Variants in ITIH5 observed in about 807,000 individuals in gnomAD.
ITIH5 encodes inter-alpha-trypsin inhibitor heavy chain 5, also known as inter-alpha-trypsin inhibitor heavy chain H5.
A neutral mutation model predicts 77.5 loss-of-function variants in ITIH5; 65 were observed. The ratio of observed to expected loss-of-function variants is 0.84; its 90% confidence interval spans 0.69 to 1.03. ITIH5 has a LOEUF of 1.03. ITIH5 is among the 50% of genes least tolerant of loss of function. The probability of loss-of-function intolerance (pLI) is 0.00; values close to 1 mark genes in which losing one functional copy is unlikely to be tolerated. For synonymous variants in ITIH5, 525 were observed against 494.3 expected, an observed-to-expected ratio of 1.06 and a Z score of -0.82; for missense variants, 1,208 against 1,213.1, an observed-to-expected ratio of 1.00 and a Z score of 0.06.
intron 2 of ITIH5, among the ~76,000 whole-genome samples, chr10:7,644,789 TCATATATATCATATATATCA>T (rs774664359): frequency 0.12 from 15,437 of 126,008 alleles, 1,651 homozygotes; most frequent in East Asian, 0.27. Flanking sequence ...CACATATATA[TCATATATATCATATATATCA>T]CATATATATC....
intron 7 of ITIH5, among the ~76,000 whole-genome samples, chr10:7,596,149 C>T (rs1327896648): frequency 1.3e-5 from 2 of 152,296 alleles, no homozygotes; most frequent in East Asian, 3.9e-4. Flanking sequence ...TGGTGTCTGT[C>T]CTGCACACCA....
At chr10:7,636,745 T>C (rs1833803347) in intron 5 of ITIH5, among the ~76,000 whole-genome samples, 2 of 152,160 alleles carry the variant, frequency 1.3e-5, no homozygotes, top group South Asian at 4.1e-4. Context: ...GCATGGGCTG[T>C]ATTTTATTTT....
In ITIH5 at chr10:7,573,147, G is replaced by A. The variant is rs756723555; in HGVS notation, c.2027C>T (p.Thr676Ile). The A allele has an allele frequency of 1.2e-5, 20 of 1,613,410 alleles. No individual in the cohort carries two copies. The Admixed American group carries it at 3.3e-4, about 27-fold the overall frequency. Residue 676 changes from threonine to isoleucine, a missense_variant, in exon 11 of 14, where the codon ACA becomes ATA. By Grantham distance (89) the Thr-to-Ile change is moderately conservative. Coordinates refer to ENST00000397146, the MANE Select transcript of ITIH5 (RefSeq NM_030569.7). ...PYQPRIKISK[T>I]SVDGDPHFVV... ...AACCGCATCCTTTGCTTTACCTGAT[G>A]TTTTAGAGATTTTAATTCTTGGCTG...
At chr10:7,610,755 T>C (rs1833228504) in intron 7 of ITIH5, among the ~76,000 whole-genome samples, 1 of 152,198 alleles carries the variant, frequency 6.6e-6, no homozygotes, top group Non-Finnish European at 1.5e-5. Context: ...AGTCCGCAGA[T>C]TTCAAAACCA....
intron 7 of ITIH5, among the ~76,000 whole-genome samples, chr10:7,613,130 A>C (rs1319169805): frequency 6.6e-6 from 1 of 152,084 alleles, no homozygotes; most frequent in Non-Finnish European, 1.5e-5. Flanking sequence ...CTGTAATCTC[A>C]GCTACTTGGG....
At chr10:7,626,759 C>G (rs551338425) in intron 5 of ITIH5, among the ~76,000 whole-genome samples, 1 of 152,342 alleles carries the variant, frequency 6.6e-6, no homozygotes, top group Admixed American at 6.5e-5. Flanking sequence ...TCTCTGAATT[C>G]AAATGAAACT....
intron 7 of ITIH5, among the ~76,000 whole-genome samples, chr10:7,611,952 A>T (rs12359380): frequency 0.72 from 106,641 of 147,508 alleles, 38,660 homozygotes; most frequent in Admixed American, 0.81. Flanking sequence ...GGTGTGGTTC[A>T]TTGATTACCT....
At chr10:7,599,784 C>T (rs1422823325) in intron 7 of ITIH5, among the ~76,000 whole-genome samples, 1 of 152,116 alleles carries the variant, frequency 6.6e-6, no homozygotes, top group African/African-American at 2.4e-5. Context: ...CACAGCATAT[C>T]CACAAATGTA....
intron 10 of ITIH5, among the ~76,000 whole-genome samples, chr10:7,574,339 C>T (rs1429527469): frequency 6.6e-6 from 1 of 152,106 alleles, no homozygotes; most frequent in African/African-American, 2.4e-5. Context: ...TCTTGACCAG[C>T]GTGATCTGGG....
intron 2 of ITIH5, among the ~76,000 whole-genome samples, chr10:7,654,854 A>G (rs113219658): frequency 0.036 from 5,530 of 152,264 alleles, 172 homozygotes; most frequent in African/African-American, 0.086. Flanking sequence ...TTATGTGAAC[A>G]TGGAGAAAAC....
At chr10:7,624,798 A>AATAT (rs1394875042) in intron 5 of ITIH5, among the ~76,000 whole-genome samples, 7 of 61,808 alleles carry the variant, frequency 1.1e-4, no homozygotes, top group Admixed American at 2.2e-4. Context: ...AAAAAAAAAA[A>AATAT]ATATATATAT....
chr10:7,574,800 A>G lies in ITIH5; in HGVS notation c.1979-1605T>C, dbSNP rs1238437214. ...AGAGCGAGACTCCATCTCGGAAAAA[A>G]AAAAAAAAAAAAAGCAAAAAAAAAC... On this transcript the variant is annotated intron_variant, in intron 10 of 13. Transcript: ENST00000397146. Among the ~76,000 whole-genome samples the G allele has an allele frequency of 6.1e-3, 147 of 24,226 alleles. 4 individuals are homozygous for G. The South Asian group carries it at 0.14, about 24-fold the overall frequency. 15.9% of individuals were successfully genotyped at this position (24,226 alleles called of 152,430 possible). A position where few individuals can be genotyped will look rare whatever the true frequency, so the allele number is the denominator to read the frequency against.
At chr10:7,649,509 G>A (rs1834061118) in intron 2 of ITIH5, among the ~76,000 whole-genome samples, 1 of 117,372 alleles carries the variant, frequency 8.5e-6, no homozygotes, top group South Asian at 3.2e-4. Flanking sequence ...TAGATGGATA[G>A]ATAGATAGAT....
At chr10:7,610,446 T>G (rs550107573) in intron 7 of ITIH5, among the ~76,000 whole-genome samples, 1 of 152,314 alleles carries the variant, frequency 6.6e-6, no homozygotes, top group Non-Finnish European at 1.5e-5. Context: ...AAGTAATTAT[T>G]AAATGCCAAC....
In ITIH5 at chr10:7,579,902, C is replaced by G; in HGVS notation, c.1271G>C (p.Arg424Pro). 6.2e-7 allele frequency: 1 copy of G among 1,614,208 alleles called. No homozygotes were observed. Among genetic ancestry groups the G allele is most frequent in the South Asian group, 1.1e-5 (1 of 91,084 alleles). Residue 424 changes from arginine to proline, a missense_variant, in exon 9 of 14, where the codon CGA (arginine) becomes CCA (proline). By Grantham distance (103) the Arg-to-Pro change is moderately radical. Transcript: ENST00000397146. ...GCAGACTTGGCCTCGGGCGGCCTCT[C>G]GGGTGTTGTTGAGGATCTTGAGGGT... ...THTLKILNNT[R>P]EAARGQVCIF...
intron 1 of ITIH5, among the ~76,000 whole-genome samples, chr10:7,656,914 T>G (rs918553191): frequency 1.3e-5 from 2 of 151,694 alleles, no homozygotes; most frequent in African/African-American, 4.8e-5. Context: ...CCGCTAATTT[T>G]TGTATTTTTA....
At chr10:7,657,165 C>G (rs572020045) in intron 1 of ITIH5, among the ~76,000 whole-genome samples, 77 of 151,498 alleles carry the variant, frequency 5.1e-4, no homozygotes, top group South Asian at 4.6e-3. Context: ...CTGCCTTAGC[C>G]TCCTGAGTAG....
intron 7 of ITIH5, among the ~76,000 whole-genome samples, chr10:7,587,018 C>G (rs1832693467): frequency 6.6e-6 from 1 of 152,098 alleles, no homozygotes; most frequent in African/African-American, 2.4e-5. Flanking sequence ...TTAGTAGAGA[C>G]AGGGTTTCAC....
Position 7,573,863 on chromosome 10 carries a change from G to A in ITIH5, c.1979-668C>T, listed in dbSNP as rs530173920. 1.7e-4 allele frequency among the ~76,000 whole-genome samples: 26 copies of A among 152,186 alleles called. No homozygotes were observed. In the South Asian group the frequency reaches 3.3e-3, roughly 19 times the overall value. ...TATTTATAGGGGAAGGGAGAAATGAGCTGTTGTTCAGTGGGCCTGTAGCAT... is the reference window on the plus strand; with the variant it reads ...TATTTATAGGGGAAGGGAGAAATGAACTGTTGTTCAGTGGGCCTGTAGCAT... On this transcript the variant is annotated intron_variant, in intron 10 of 13. Transcript: ENST00000397146.
Sources: gnomAD v4.1 joint callset for allele counts (sites outside exome capture counted in the v4.1 genomes callset) on GRCh38, gnomAD v4.1.1 for gene constraint, MANE v1.5 for transcripts, NCBI Gene and HGNC (gene_info 2026-07-23, HGNC 2026-07-21) for gene names.